Variants in ARNT observed in about 807,000 individuals in gnomAD.
ARNT encodes class E basic helix-loop-helix protein 2.
In ARNT, 30 loss-of-function variants were observed where a neutral mutation model predicts 105.0. That is an observed-to-expected ratio of 0.29 (90% confidence interval 0.21 to 0.39). The LOEUF (loss-of-function observed/expected upper bound fraction) is 0.39, where lower values mean the gene tolerates loss of function less well. ARNT is among the 10% of genes least tolerant of loss of function. ARNT has a pLI of 1.00. For synonymous variants in ARNT, 304 were observed against 344.0 expected (o/e 0.88, Z 1.29); for missense variants, 748 against 978.7 (o/e 0.76, Z 3.15).
chr1:150,861,339 AT>A, intron 1 of ARNT: 4 of 391,438 alleles, frequency 1.0e-5, no homozygotes, highest in South Asian at 5.6e-5. Context: ...CAAAAAAAAA[AT>A]TAAATTAAAA....
chr1:150,829,991 G>T lies in ARNT; in HGVS notation c.956-11C>A. 6.2e-7 allele frequency: 1 copy of T among 1,614,114 alleles called. No homozygotes were observed. The highest frequency in any genetic ancestry group is 8.5e-7 in the Non-Finnish European group (1 of 1,180,008). Reference sequence around the variant, plus strand: ...CTGGGAGGGAAACACCTTCAGAAACGTGACGTTAAAAGGTTTAACGGGGAC... The same window carrying T: ...CTGGGAGGGAAACACCTTCAGAAACTTGACGTTAAAAGGTTTAACGGGGAC... On this transcript the variant is annotated splice_polypyrimidine_tract_variant and intron_variant, in intron 10 of 21. Coordinates refer to ENST00000358595, the MANE Select transcript of ARNT (RefSeq NM_001668.4).
chr1:150,855,736 TAA>T (rs769612799), intron 2 of ARNT, among the ~76,000 whole-genome samples: 26 of 136,924 alleles, frequency 1.9e-4, no homozygotes, highest in Non-Finnish European at 1.3e-4. Context: ...ACCATGTCTT[TAA>T]AAAAAAAAAA....
chr1:150,843,287 G>A (rs936447822), intron 4 of ARNT, among the ~76,000 whole-genome samples: 8 of 152,150 alleles, frequency 5.3e-5, no homozygotes, highest in African/African-American at 1.9e-4. Context: ...GTAATGATGG[G>A]TGGCAACTGA....
chr1:150,846,579 C>T (rs1662251282), intron 3 of ARNT, among the ~76,000 whole-genome samples: 1 of 151,880 alleles, frequency 6.6e-6, no homozygotes, highest in Non-Finnish European at 1.5e-5. Flanking sequence ...CCTGTCAGCA[C>T]AATTCTAAAG....
chr1:150,873,506 A>G (rs771570695), intron 1 of ARNT, among the ~76,000 whole-genome samples: 25 of 152,128 alleles, frequency 1.6e-4, no homozygotes, highest in Non-Finnish European at 2.8e-4. Flanking sequence ...AGTACCAACC[A>G]TATTTTACTC....
chr1:150,861,395 C>T (rs1238700411), intron 1 of ARNT: 2 of 286,232 alleles, frequency 7.0e-6, no homozygotes, highest in South Asian at 2.8e-5. Context: ...TGGGTATATA[C>T]CTGAAAGAAT....
intron 2 of ARNT, among the ~76,000 whole-genome samples, chr1:150,857,404 A>G (rs587615808): frequency 6.6e-6 from 1 of 152,298 alleles, no homozygotes; most frequent in African/African-American, 2.4e-5. Flanking sequence ...TAGCTTTACA[A>G]TCTTAGAAAG....
At chr1:150,829,003 T>C in intron 12 of ARNT, 90 bp downstream of exon 12, 1 of 1,443,294 alleles carries the variant, frequency 6.9e-7, no homozygotes, top group South Asian at 1.4e-5. Flanking sequence ...CTGAGGTTGA[T>C]ATGTTTTGGC....
intron 2 of ARNT, among the ~76,000 whole-genome samples, chr1:150,856,069 A>G (rs1664547914): frequency 6.6e-6 from 1 of 152,244 alleles, no homozygotes; most frequent in South Asian, 2.1e-4. Flanking sequence ...ACTGAAGGAC[A>G]TGCACTAAAA....
intron 1 of ARNT, among the ~76,000 whole-genome samples, chr1:150,859,984 G>A (rs1330700306): frequency 1.3e-5 from 2 of 151,036 alleles, no homozygotes; most frequent in African/African-American, 4.9e-5. Context: ...TCCACCCTGG[G>A]CAACAGAGCA....
chr1:150,831,759 TG>T, intron 10 of ARNT, 58 bp downstream of exon 10: 2 of 1,181,454 alleles, frequency 1.7e-6, no homozygotes, highest in Non-Finnish European at 2.5e-6. Flanking sequence ...TTAGCTTTCA[TG>T]GACTCTGTGA....
At chr1:150,856,895 C>T (rs1458649496) in intron 2 of ARNT, among the ~76,000 whole-genome samples, 1 of 151,710 alleles carries the variant, frequency 6.6e-6, no homozygotes, top group Non-Finnish European at 1.5e-5. Context: ...GAGTTTGAGG[C>T]TGCAGTGGGC....
chr1:150,833,273 G>A (rs905347612), intron 8 of ARNT, among the ~76,000 whole-genome samples: 4 of 152,128 alleles, frequency 2.6e-5, no homozygotes, highest in Non-Finnish European at 4.4e-5. Context: ...GGAGGCTGAC[G>A]CAGGCGAATC....
chr1:150,852,874 C>T (rs756586173), intron 2 of ARNT, 68 bp from the exon 3 acceptor site: 1 of 1,584,576 alleles, frequency 6.3e-7, no homozygotes, highest in African/African-American at 1.4e-5. Context: ...GTTAAAATTT[C>T]TCAACACAAG....
At chr1:150,858,550 G>A in intron 1 of ARNT, 90 bp from the exon 2 acceptor site, 1 of 1,018,616 alleles carries the variant, frequency 9.8e-7, no homozygotes, top group South Asian at 1.5e-5. Context: ...AAAGGTTCAA[G>A]CTATAGACAA....
At chr1:150,836,540 C>G in intron 6 of ARNT, 47 bp from the exon 7 acceptor site, 1 of 1,563,440 alleles carries the variant, frequency 6.4e-7, no homozygotes, top group Non-Finnish European at 8.7e-7. Context: ...TCTGAAAAAA[C>G]AAGTATTTCT....
chr1:150,861,380 A>AC (rs1665608322), intron 1 of ARNT: 1 of 347,422 alleles, frequency 2.9e-6, no homozygotes, highest in Non-Finnish European at 5.6e-6. Flanking sequence ...CAGCAATTCC[A>AC]CCTCTGGGTA....
At position 150,856,916 on chromosome 1, in the gene ARNT, C is replaced by T. The variant is rs587716129; in HGVS notation, c.137+1433G>A. Among the ~76,000 whole-genome samples, 14 of 152,298 alleles carry T rather than the reference C, an allele frequency of 9.2e-5. No individual in the cohort carries two copies. The South Asian group carries it at 2.7e-3, about 29-fold the overall frequency. ...GAGGCTGCAGTGGGCCATGATTGTGCCTCTGCACTCCAGCCAGGGTACAAG... is the reference window on the plus strand; with the variant it reads ...GAGGCTGCAGTGGGCCATGATTGTGTCTCTGCACTCCAGCCAGGGTACAAG... On this transcript the variant is annotated intron_variant, in intron 2 of 21. Coordinates refer to ENST00000358595, the MANE Select transcript of ARNT (RefSeq NM_001668.4).
intron 3 of ARNT, among the ~76,000 whole-genome samples, chr1:150,847,881 C>T (rs915331480): frequency 1.3e-5 from 2 of 152,126 alleles, no homozygotes; most frequent in African/African-American, 4.8e-5. Context: ...ATGGCCAAGT[C>T]ACGGTTGTTG....
Sources: gnomAD v4.1 joint callset for allele counts (sites outside exome capture counted in the v4.1 genomes callset) on GRCh38, gnomAD v4.1.1 for gene constraint, MANE v1.5 for transcripts, NCBI Gene and HGNC (gene_info 2026-07-23, HGNC 2026-07-21) for gene names.